Variants in MELK observed in about 807,000 individuals in gnomAD.
MELK encodes maternal embryonic leucine zipper kinase.
In MELK, 81 loss-of-function variants were observed where a neutral mutation model predicts 85.0. The ratio of observed to expected loss-of-function variants is 0.95; its 90% confidence interval spans 0.80 to 1.15. MELK has a LOEUF of 1.15. Ranked by LOEUF, MELK falls within the 50% of genes most tolerant of loss-of-function variation. The pLI is 0.00. For missense variants in MELK, 754 were observed against 777.5 expected, an observed-to-expected ratio of 0.97 and a Z score of 0.36; for synonymous variants, 252 against 265.0, an observed-to-expected ratio of 0.95 and a Z score of 0.48.
In MELK at chr9:36,618,533, C is replaced by G. The variant is rs558818165; in HGVS notation, c.666+10860C>G. On this transcript the variant is annotated intron_variant, in intron 8 of 17. Coordinates refer to ENST00000298048, the MANE Select transcript of MELK (RefSeq NM_014791.4). Reference sequence around the variant, plus strand: ...TTATTTAAAATAGTCTTGCTAATTTCAAGTTTTGCAGACAACTTGTTAAAT... The same window carrying G: ...TTATTTAAAATAGTCTTGCTAATTTGAAGTTTTGCAGACAACTTGTTAAAT... Among the ~76,000 whole-genome samples, 54 of 152,106 alleles carry G rather than the reference C, an allele frequency of 3.6e-4. 1 individual carries two copies. In the South Asian group the frequency reaches 7.3e-3, roughly 20 times the overall value.
intron 4 of MELK, among the ~76,000 whole-genome samples, chr9:36,590,928 GA>G (rs1219269328): frequency 2.8e-5 from 4 of 145,434 alleles, no homozygotes; most frequent in South Asian, 2.2e-4. Context: ...AAAGAAAAAA[GA>G]AAAAAAAAAG....
chr9:36,584,234 T>A (rs1822591386), intron 3 of MELK, among the ~76,000 whole-genome samples: 2 of 151,644 alleles, frequency 1.3e-5, no homozygotes, highest in Admixed American at 1.3e-4. Flanking sequence ...CTCAATCTCC[T>A]GACCCCGTGA....
chr9:36,605,665 T>C (rs1825406909), intron 7 of MELK, among the ~76,000 whole-genome samples: 1 of 151,950 alleles, frequency 6.6e-6, no homozygotes, highest in African/African-American at 2.4e-5. Context: ...AATTGTTCAC[T>C]TGAGACGTCA....
chr9:36,608,710 T>C (rs1296715443), intron 8 of MELK, among the ~76,000 whole-genome samples: 3 of 152,114 alleles, frequency 2.0e-5, no homozygotes, highest in South Asian at 2.1e-4. Context: ...GCCTCCCTAG[T>C]AGCTGGGATT....
intron 11 of MELK, among the ~76,000 whole-genome samples, chr9:36,644,427 T>C (rs1830046544): frequency 6.6e-6 from 1 of 152,184 alleles, no homozygotes; most frequent in East Asian, 1.9e-4. Flanking sequence ...TAAACAAAGC[T>C]TTGCTAAGGC....
intron 10 of MELK, among the ~76,000 whole-genome samples, chr9:36,634,711 G>GA (rs1323942233): frequency 6.6e-6 from 1 of 151,286 alleles, no homozygotes; most frequent in African/African-American, 2.4e-5. Context: ...GTTTCAAAAA[G>GA]AAAAGAGGCT....
intron 7 of MELK, among the ~76,000 whole-genome samples, chr9:36,602,039 C>T (rs1824980321): frequency 6.6e-6 from 1 of 152,198 alleles, no homozygotes; most frequent in African/African-American, 2.4e-5. Context: ...TATGAGTGTA[C>T]AAGTATCTCT....
At chr9:36,631,088 TG>T (rs941950469) in intron 9 of MELK, among the ~76,000 whole-genome samples, 21 of 151,216 alleles carry the variant, frequency 1.4e-4, no homozygotes, top group African/African-American at 5.1e-4. Flanking sequence ...CTCAGCCTCC[TG>T]AGTAGCTAGT....
intron 7 of MELK, among the ~76,000 whole-genome samples, chr9:36,602,201 G>A (rs1222718776): frequency 6.6e-5 from 10 of 152,090 alleles, no homozygotes; most frequent in Admixed American, 6.6e-4. Context: ...GTGTACAGGA[G>A]TTTCACATGG....
Position 36,599,390 on chromosome 9 carries a change from G to T in MELK, c.475-4G>T, listed in dbSNP as rs767909880. 1.4e-5 allele frequency: 23 copies of T among 1,598,414 alleles called. No homozygotes were observed. The highest frequency in any genetic ancestry group is 4.0e-5 in the African/African-American group (3 of 74,454). ...AATAAGTTTCATTTTTATCTTATTG[G>T]CAGGGTAACAAGGATTACCATCTAC... On this transcript the variant is annotated splice_region_variant and splice_polypyrimidine_tract_variant and intron_variant, in intron 6 of 17. Transcript: ENST00000298048.
intron 8 of MELK, among the ~76,000 whole-genome samples, chr9:36,614,657 T>C: frequency 8.9e-6 from 1 of 112,032 alleles, no homozygotes; most frequent in Non-Finnish European, 1.8e-5. Flanking sequence ...GCATGCTGCC[T>C]TCAAGCATCT....
intron 8 of MELK, among the ~76,000 whole-genome samples, chr9:36,616,823 GT>G (rs11325318): frequency 0.32 from 39,906 of 123,864 alleles, 6,228 homozygotes; most frequent in African/African-American, 0.46. Flanking sequence ...CCCCTTCCCA[GT>G]TTTTTTTTTT....
chr9:36,636,927 C>T (rs919865386), intron 10 of MELK, among the ~76,000 whole-genome samples: 2 of 151,976 alleles, frequency 1.3e-5, no homozygotes, highest in Admixed American at 6.6e-5. Context: ...CTCTGCCTCC[C>T]GGGTTCATGC....
intron 8 of MELK, among the ~76,000 whole-genome samples, chr9:36,614,432 T>TTTGTG (rs1554722260): frequency 6.9e-6 from 1 of 145,436 alleles, no homozygotes; most frequent in African/African-American, 2.6e-5. Context: ...TGGGTTTTTT[T>TTTGTG]TTTTTTTTTT....
At chr9:36,601,066 T>A (rs1824870862) in intron 7 of MELK, among the ~76,000 whole-genome samples, 1 of 152,146 alleles carries the variant, frequency 6.6e-6, no homozygotes. Context: ...AAATATCATA[T>A]CCTTTTATTA....
chr9:36,592,617 A>G (rs147980601), intron 4 of MELK, among the ~76,000 whole-genome samples: 125 of 152,244 alleles, frequency 8.2e-4, no homozygotes, highest in Admixed American at 1.7e-3. Flanking sequence ...AATGGTCACA[A>G]ATTATTACTT....
At chr9:36,613,981 G>A (rs553996610) in intron 8 of MELK, among the ~76,000 whole-genome samples, 1 of 152,278 alleles carries the variant, frequency 6.6e-6, no homozygotes, top group African/African-American at 2.4e-5. Context: ...TGGCTGCTAT[G>A]TGGAGATGAC....
Position 36,665,489 on chromosome 9 carries a change from TTA to T in MELK, c.1318_1319del (p.Met440ValfsTer3), listed in dbSNP as rs778108102. 1 of 1,613,838 alleles carries T rather than the reference TTA, an allele frequency of 6.2e-7. No individual in the cohort carries two copies. Among genetic ancestry groups the T allele is most frequent in the Non-Finnish European group, 8.5e-7 (1 of 1,179,840 alleles). Reference sequence around the variant, plus strand: ...TCTGCTGTAAAGAATGAAGAGTACTTTATGTTTCCTGAGCCAAAGACTCCAGT... The same window carrying T: ...TCTGCTGTAAAGAATGAAGAGTACTTTGTTTCCTGAGCCAAAGACTCCAGT... On this transcript the variant is annotated frameshift_variant, in exon 14 of 18. Coordinates refer to ENST00000298048, the MANE Select transcript of MELK (RefSeq NM_014791.4). LOFTEE classifies it high-confidence loss of function.
At chr9:36,659,030 C>T (rs542215915) in intron 13 of MELK, among the ~76,000 whole-genome samples, 14 of 152,198 alleles carry the variant, frequency 9.2e-5, no homozygotes, top group Non-Finnish European at 1.3e-4. Context: ...TACAGGTGCC[C>T]GCCACCACGC....
Sources: allele counts gnomAD v4.1 joint callset (sites outside exome capture counted in the v4.1 genomes callset), GRCh38; gene constraint gnomAD v4.1.1; transcripts MANE v1.5; gene names NCBI Gene and HGNC (gene_info 2026-07-23, HGNC 2026-07-21).